The following TAFA2 variants were observed in gnomAD, a reference collection of about 807,000 sequenced individuals.
The protein encoded by TAFA2 is chemokine-like protein TAFA-2.
A neutral mutation model predicts 18.8 loss-of-function variants in TAFA2; 7 were observed. That is an observed-to-expected ratio of 0.37 (90% CI 0.21 to 0.70). The LOEUF (loss-of-function observed/expected upper bound fraction) is 0.70. Among genes scored for constraint, TAFA2 ranks in the 30% least tolerant of loss-of-function variants. The pLI, the probability that TAFA2 is intolerant of heterozygous loss-of-function variation, is 0.53. For synonymous variants in TAFA2, 60 were observed against 54.2 expected (o/e 1.11, Z -0.47); for missense variants, 122 against 158.1 (o/e 0.77, Z 1.23).
intron 1 of TAFA2, among the ~76,000 whole-genome samples, chr12:62,099,470 A>T (rs1173945184): frequency 2.0e-5 from 3 of 152,154 alleles, no homozygotes; most frequent in Admixed American, 6.6e-5. Flanking sequence ...CTTAGACCAC[A>T]CTAGCACTTA....
chr12:61,776,167 T>TGGCAC (rs1870253335), intron 2 of TAFA2: 2 of 319,936 alleles, frequency 6.3e-6, no homozygotes, highest in South Asian at 6.7e-5. Flanking sequence ...TTTAAGGGCA[T>TGGCAC]GATTCTTGCC....
chr12:62,019,078 T>C (rs1161472646), intron 1 of TAFA2, among the ~76,000 whole-genome samples: 1 of 152,180 alleles, frequency 6.6e-6, no homozygotes, highest in Non-Finnish European at 1.5e-5. Context: ...GAAAAATTGC[T>C]CATCATCACT....
chr12:61,783,200 G>T (rs903669705), intron 2 of TAFA2, among the ~76,000 whole-genome samples: 2 of 151,474 alleles, frequency 1.3e-5, no homozygotes, highest in African/African-American at 4.8e-5. Context: ...GCCCACAAAA[G>T]ATCAATCAGA....
chr12:62,118,523 T>C (rs1870058761), intron 1 of TAFA2, among the ~76,000 whole-genome samples: 1 of 152,116 alleles, frequency 6.6e-6, no homozygotes, highest in Non-Finnish European at 1.5e-5. Context: ...TATATGAATG[T>C]TCAATTTTTC....
intron 1 of TAFA2, among the ~76,000 whole-genome samples, chr12:62,238,175 A>G (rs1023875541): frequency 6.6e-6 from 1 of 152,184 alleles, no homozygotes. Flanking sequence ...GGGTTTCCAC[A>G]TGGCATCTGG....
chr12:61,714,905 C>G (rs1361836784), intron 4 of TAFA2, among the ~76,000 whole-genome samples: 1 of 152,210 alleles, frequency 6.6e-6, no homozygotes, highest in African/African-American at 2.4e-5. Flanking sequence ...CGACAAATAG[C>G]TCAGGCTTTG....
chr12:62,124,224 TG>T (rs1870353366), intron 1 of TAFA2, among the ~76,000 whole-genome samples: 2 of 151,820 alleles, frequency 1.3e-5, no homozygotes, highest in Non-Finnish European at 2.9e-5. Context: ...GGATTACATA[TG>T]TATTTGTCAG....
intron 1 of TAFA2, among the ~76,000 whole-genome samples, chr12:62,103,566 A>G (rs1565745288): frequency 6.6e-6 from 1 of 152,160 alleles, no homozygotes; most frequent in East Asian, 1.9e-4. Flanking sequence ...ACATGGAGAA[A>G]TCCCATCTCT....
intron 1 of TAFA2, among the ~76,000 whole-genome samples, chr12:61,962,671 T>C (rs1234538968): frequency 2.6e-5 from 4 of 152,080 alleles, no homozygotes; most frequent in Non-Finnish European, 5.9e-5. Context: ...CATATCTTTT[T>C]ACATTTCTTT....
intron 1 of TAFA2, among the ~76,000 whole-genome samples, chr12:62,000,007 A>G (rs2136699518): frequency 6.6e-6 from 1 of 152,314 alleles, no homozygotes; most frequent in East Asian, 1.9e-4. Context: ...CAAATGAAAA[A>G]TTAATATGAT....
chr12:62,058,895 C>A (rs983833589), intron 1 of TAFA2, among the ~76,000 whole-genome samples: 8 of 152,034 alleles, frequency 5.3e-5, no homozygotes, highest in East Asian at 1.9e-4. Flanking sequence ...CGAGGCCAGG[C>A]GATCGAGACT....
At chr12:62,055,757 T>C (rs768193305) in intron 1 of TAFA2, among the ~76,000 whole-genome samples, 1 of 152,114 alleles carries the variant, frequency 6.6e-6, no homozygotes, top group Non-Finnish European at 1.5e-5. Flanking sequence ...TTTAGTAAAA[T>C]GATAGACTAG....
chr12:61,909,597 A>G (rs1876514363), intron 1 of TAFA2, among the ~76,000 whole-genome samples: 1 of 152,194 alleles, frequency 6.6e-6, no homozygotes, highest in African/African-American at 2.4e-5. Context: ...AGGATAAGGC[A>G]GCCAGTAGCG....
At chr12:61,783,147 A>G (rs1870578314) in intron 2 of TAFA2, among the ~76,000 whole-genome samples, 1 of 151,704 alleles carries the variant, frequency 6.6e-6, no homozygotes, top group South Asian at 2.1e-4. Context: ...ATAATTAACT[A>G]CCTGATGGAC....
chr12:61,774,299 C>A (rs1329662542), intron 2 of TAFA2, among the ~76,000 whole-genome samples: 1 of 151,716 alleles, frequency 6.6e-6, no homozygotes, highest in African/African-American at 2.4e-5. Context: ...TTAGATCTAC[C>A]ATTTGATCTA....
intron 4 of TAFA2, among the ~76,000 whole-genome samples, chr12:61,714,732 G>GT (rs1869568650): frequency 1.3e-5 from 2 of 152,104 alleles, no homozygotes; most frequent in African/African-American, 2.4e-5. Flanking sequence ...AAATTACAAA[G>GT]TTGGAAGGAA....
chr12:62,237,795 T>C (rs1199970363), intron 1 of TAFA2, among the ~76,000 whole-genome samples: 2 of 152,204 alleles, frequency 1.3e-5, no homozygotes, highest in Non-Finnish European at 2.9e-5. Flanking sequence ...CTTGAAATCA[T>C]TCAGAGCACT....
At chr12:62,154,443 G>A (rs1402954067) in intron 1 of TAFA2, among the ~76,000 whole-genome samples, 5 of 152,126 alleles carry the variant, frequency 3.3e-5, no homozygotes, top group Non-Finnish European at 7.4e-5. Flanking sequence ...GAAAATGTAG[G>A]CTCTTAAAGC....
chr12:62,068,307 A>G (rs958064787), intron 1 of TAFA2, among the ~76,000 whole-genome samples: 1 of 152,120 alleles, frequency 6.6e-6, no homozygotes, highest in Admixed American at 6.6e-5. Flanking sequence ...ACATAAGGTG[A>G]CTTTCGCTCT....
Sources: allele counts gnomAD v4.1 joint callset (sites outside exome capture counted in the v4.1 genomes callset), GRCh38; gene constraint gnomAD v4.1.1; transcripts MANE v1.5; gene names NCBI Gene and HGNC (gene_info 2026-07-23, HGNC 2026-07-21).